C2orf78: variants seen among roughly 807,000 people sequenced by gnomAD.
C2orf78 encodes the protein uncharacterized protein C2orf78.
C2orf78 carries 12 observed loss-of-function variants against 21.4 expected under a neutral mutation model. The ratio of observed to expected loss-of-function variants is 0.56; its 90% CI spans 0.36 to 0.91. C2orf78 has a LOEUF of 0.91. C2orf78 is among the 40% of genes least tolerant of loss of function. The pLI, the probability that C2orf78 is intolerant of heterozygous loss-of-function variation, is 0.01. For synonymous variants in C2orf78, 396 were observed against 413.9 expected (o/e 0.96, Z 0.52); for missense variants, 1,042 against 1,092.4 (o/e 0.95, Z 0.65).
exon 3 of C2orf78, chr2:73,815,737 A>C (rs1367117604): frequency 5.0e-6 from 8 of 1,613,474 alleles, no homozygotes; most frequent in Non-Finnish European, 6.8e-6. Flanking sequence ...AACAAGCATA[A>C]AGCTTCCGAG....
At chr2:73,814,338 C>G in intron 2 of C2orf78, 112 bp downstream of exon 2, 1 of 1,200,782 alleles carries the variant, frequency 8.3e-7, no homozygotes. Flanking sequence ...CCTGAGACTT[C>G]AACCACTATT....
intron 1 of C2orf78, among the ~76,000 whole-genome samples, chr2:73,785,971 G>T (rs369589491): frequency 6.6e-6 from 1 of 151,866 alleles, no homozygotes; most frequent in Admixed American, 6.6e-5. Context: ...ACTTGAACCC[G>T]AGAGGCAAAG....
intron 1 of C2orf78, among the ~76,000 whole-genome samples, chr2:73,810,841 ATT>A (rs1673073642): frequency 7.4e-6 from 1 of 136,040 alleles, no homozygotes; most frequent in Non-Finnish European, 1.5e-5. Flanking sequence ...TGTTATATAT[ATT>A]ACATGTATAT....
At chr2:73,815,739 G>T in exon 3 of C2orf78, 1 of 1,613,450 alleles carries the variant, frequency 6.2e-7, no homozygotes, top group Non-Finnish European at 8.5e-7. Context: ...CAAGCATAAA[G>T]CTTCCGAGCC....
Position 73,810,892 on chromosome 2 carries a change from A to G in C2orf78, c.98-2585A>G, listed in dbSNP as rs150941681. On this transcript the variant is annotated intron_variant, in intron 1 of 2. Transcript: ENST00000409561. ...CATATAAATTTTAAATTTAGTGTATATTACATGTATATTATATATAATATA... is the reference window on the plus strand; with the variant it reads ...CATATAAATTTTAAATTTAGTGTATGTTACATGTATATTATATATAATATA... Among the ~76,000 whole-genome samples, 115 of 139,964 alleles carry G rather than the reference A, an allele frequency of 8.2e-4. 2 individuals carry two copies. The East Asian group carries it at 0.019, about 23-fold the overall frequency. 91.8% of individuals were successfully genotyped at this position (139,964 alleles called of 152,430 possible). A position where few individuals can be genotyped will look rare whatever the true frequency, so the allele number is the denominator to read the frequency against.
exon 3 of C2orf78, chr2:73,816,888 G>C: frequency 6.2e-7 from 1 of 1,613,890 alleles, no homozygotes; most frequent in Non-Finnish European, 8.5e-7. Flanking sequence ...GGCTCAACAA[G>C]AGCGTGAGAA....
chr2:73,808,170 C>T (rs1422382410), intron 1 of C2orf78, among the ~76,000 whole-genome samples: 2 of 150,290 alleles, frequency 1.3e-5, no homozygotes, highest in Non-Finnish European at 1.5e-5. Flanking sequence ...AGGAGAATGG[C>T]GTGAACCTGG....
At chr2:73,786,152 G>A (rs1391006767) in intron 1 of C2orf78, among the ~76,000 whole-genome samples, 5 of 151,998 alleles carry the variant, frequency 3.3e-5, no homozygotes, top group Non-Finnish European at 7.4e-5. Context: ...GGCTGACGCA[G>A]GCGGATTGCC....
At chr2:73,809,696 G>T (rs1270887187) in intron 1 of C2orf78, among the ~76,000 whole-genome samples, 2 of 152,150 alleles carry the variant, frequency 1.3e-5, no homozygotes, top group East Asian at 3.9e-4. Context: ...AGGATCAGAC[G>T]CTGCTTGAGC....
Position 73,784,416 on chromosome 2 carries a change from G to A in C2orf78, c.97+10G>A. On this transcript the variant is annotated intron_variant, in intron 1 of 2. Transcript: ENST00000409561. Reference sequence around the variant, plus strand: ...TCTCTGACCATGTCAGGTAAAGAGAGAAACTTTTTAAAAAGGTTTTCATGA... The same window carrying A: ...TCTCTGACCATGTCAGGTAAAGAGAAAAACTTTTTAAAAAGGTTTTCATGA... The A allele has an allele frequency of 2.2e-6, 2 of 912,306 alleles. No homozygotes were observed. Among genetic ancestry groups the A allele is most frequent in the Non-Finnish European group, 3.3e-6 (2 of 608,238 alleles). The allele number at this position is 912,306 out of a possible 1,614,324, so 56.5% of individuals were successfully genotyped here.
At chr2:73,784,211 G>A in exon 1 of C2orf78, 2 of 1,513,208 alleles carry the variant, frequency 1.3e-6, no homozygotes, top group Middle Eastern at 2.3e-4. Context: ...CCACCACCTG[G>A]TAGCATCTTG....
chr2:73,785,960 C>G (rs182943044), intron 1 of C2orf78, among the ~76,000 whole-genome samples: 1 of 151,914 alleles, frequency 6.6e-6, no homozygotes, highest in East Asian at 1.9e-4. Context: ...GCAGGACAAT[C>G]ACTTGAACCC....
At chr2:73,814,041 C>T (rs1275003707) in exon 2 of C2orf78, 5 of 1,613,942 alleles carry the variant, frequency 3.1e-6, no homozygotes, top group Middle Eastern at 3.3e-4. Flanking sequence ...ACACTGGGGC[C>T]TCAACTATCC....
rs1236471062 is a variant in C2orf78 at position 73,815,067 on chromosome 2, G to T, written c.848-4G>T. On this transcript the variant is annotated splice_region_variant and splice_polypyrimidine_tract_variant and intron_variant, in intron 2 of 2. Coordinates refer to ENST00000409561, the Ensembl canonical transcript of C2orf78. ...GACTGACTTCTTCCTTGATTCCTTT[G>T]TAGTGATGGAAACTTCCCTGGGGAT... is the stretch of plus-strand genomic sequence containing the variant. 6.2e-7 allele frequency: 1 copy of T among 1,605,910 alleles called. No individual in the cohort carries two copies. The highest frequency in any genetic ancestry group is 1.3e-5 in the African/African-American group (1 of 74,766).
In C2orf78 at chr2:73,813,724, T is replaced by C. The variant is rs756353979; in HGVS notation, c.345T>C (p.His115=). ...TGTCTGGGGTTACTGGCCAGAGCCATATCTGTACTTCAGCTGCCTCTTATC... is the reference window on the plus strand; with the variant it reads ...TGTCTGGGGTTACTGGCCAGAGCCACATCTGTACTTCAGCTGCCTCTTATC... Residue 115 remains histidine (H), a synonymous_variant, in exon 2 of 3, where the codon CAT becomes CAC. Coordinates refer to ENST00000409561, the Ensembl canonical transcript of C2orf78. 1.9e-6 allele frequency: 3 copies of C among 1,614,050 alleles called. No homozygotes were observed. The Admixed American group carries it at 5.0e-5, about 27-fold the overall frequency.
At chr2:73,810,915 A>T (rs985089107) in intron 1 of C2orf78, among the ~76,000 whole-genome samples, 1 of 141,528 alleles carries the variant, frequency 7.1e-6, no homozygotes, top group Non-Finnish European at 1.5e-5. Context: ...TATATATAAT[A>T]TATGTATATT....
chr2:73,809,177 A>T (rs1027917546), intron 1 of C2orf78, among the ~76,000 whole-genome samples: 1 of 152,112 alleles, frequency 6.6e-6, no homozygotes, highest in South Asian at 2.1e-4. Flanking sequence ...ACTGAGTCTT[A>T]AAGGGTATAC....
At chr2:73,815,385 C>A in exon 3 of C2orf78, 1 of 1,613,988 alleles carries the variant, frequency 6.2e-7, no homozygotes, top group Non-Finnish European at 8.5e-7. Context: ...TCCTCCACTA[C>A]TTCCTGTAGA....
exon 3 of C2orf78, chr2:73,815,583 C>G: frequency 6.2e-7 from 1 of 1,613,936 alleles, no homozygotes; most frequent in Non-Finnish European, 8.5e-7. Flanking sequence ...TACTTACCTC[C>G]CCCCGATCTT....
Sources: allele counts gnomAD v4.1 joint callset (sites outside exome capture counted in the v4.1 genomes callset), GRCh38; gene constraint gnomAD v4.1.1; transcripts MANE v1.5; gene names NCBI Gene and HGNC (gene_info 2026-07-23, HGNC 2026-07-21).